DACH1: variants seen among roughly 807,000 people sequenced by gnomAD.
DACH1 encodes dachshund homolog 1.
In DACH1, 12 loss-of-function variants were observed where a neutral mutation model predicts 54.2. That is an observed-to-expected ratio of 0.22 (90% CI 0.14 to 0.36). DACH1 has a LOEUF of 0.36. DACH1 is among the 10% of genes least tolerant of loss of function. The probability of loss-of-function intolerance (pLI) is 1.00; values close to 1 mark genes in which losing one functional copy is unlikely to be tolerated. For synonymous variants in DACH1, 386 were observed against 366.2 expected, an observed-to-expected ratio of 1.05 and a Z score of -0.62; for missense variants, 805 against 929.8, an observed-to-expected ratio of 0.87 and a Z score of 1.75.
intron 6 of DACH1, among the ~76,000 whole-genome samples, chr13:71,511,544 G>T (rs1880774551): frequency 6.6e-6 from 1 of 151,606 alleles, no homozygotes; most frequent in South Asian, 2.1e-4. Flanking sequence ...ATTCTTACTT[G>T]TTTTCTAATT....
At chr13:71,665,626 T>C (rs750697683) in intron 2 of DACH1, among the ~76,000 whole-genome samples, 10 of 152,032 alleles carry the variant, frequency 6.6e-5, no homozygotes, top group Non-Finnish European at 1.0e-4. Flanking sequence ...GTTTCTGAAA[T>C]TAGGATTAAG....
intron 1 of DACH1, among the ~76,000 whole-genome samples, chr13:71,684,199 C>G (rs1233189788): frequency 1.3e-5 from 2 of 152,026 alleles, no homozygotes; most frequent in Non-Finnish European, 2.9e-5. Context: ...CAATTTTGTC[C>G]CACTCCAGAG....
intron 2 of DACH1, among the ~76,000 whole-genome samples, chr13:71,676,232 T>G (rs1360900004): frequency 6.6e-6 from 1 of 152,124 alleles, no homozygotes; most frequent in Non-Finnish European, 1.5e-5. Flanking sequence ...ATTTTTTTTT[T>G]GTTGAGATGG....
At chr13:71,820,597 C>G (rs146230902) in intron 1 of DACH1, among the ~76,000 whole-genome samples, 111 of 152,152 alleles carry the variant, frequency 7.3e-4, no homozygotes, top group Middle Eastern at 3.4e-3. Flanking sequence ...GTTAAAAAAA[C>G]AGAATTCGGT....
rs183817108 is a variant in DACH1, at chr13:71,535,821, T to A, written c.1570+21203A>T. ...ATAAGCTATCTTATATGATTTTTTT[T>A]AAAAATGTTTTGAACAATAGTTTAA... On this transcript the variant is annotated intron_variant, in intron 6 of 10. Transcript: ENST00000613252. 8.9e-3 allele frequency among the ~76,000 whole-genome samples: 1,348 copies of A among 152,112 alleles called. 18 individuals are homozygous for A. The highest frequency in any genetic ancestry group is 0.034 in the East Asian group (177 of 5,178).
intron 1 of DACH1, among the ~76,000 whole-genome samples, chr13:71,748,947 TCTTTCTC>T (rs1884792111): frequency 2.2e-5 from 1 of 45,646 alleles, no homozygotes; most frequent in Non-Finnish European, 9.3e-5. Flanking sequence ...TTTCTTTCTT[TCTTTCTC>T]TCTTTCTTTC....
chr13:71,442,369 A>T (rs1011243194), intron 10 of DACH1, among the ~76,000 whole-genome samples: 5 of 152,116 alleles, frequency 3.3e-5, no homozygotes, highest in African/African-American at 1.2e-4. Flanking sequence ...AAATGACAGG[A>T]TCTCATTCTT....
At chr13:71,637,907 T>C (rs74096982) in intron 2 of DACH1, among the ~76,000 whole-genome samples, 1,675 of 152,312 alleles carry the variant, frequency 0.011, 21 homozygotes, top group African/African-American at 0.034. Flanking sequence ...ATCTGTTTGT[T>C]TGCTCATTAA....
chr13:71,686,060 G>A (rs1287041113), intron 1 of DACH1, among the ~76,000 whole-genome samples: 1 of 152,016 alleles, frequency 6.6e-6, no homozygotes, highest in Non-Finnish European at 1.5e-5. Flanking sequence ...CTATAAGAGC[G>A]ACCCATTTCT....
intron 1 of DACH1, among the ~76,000 whole-genome samples, chr13:71,752,488 TTCTC>T (rs112518177): frequency 1.8e-3 from 269 of 147,918 alleles, no homozygotes; most frequent in African/African-American, 6.1e-3. Context: ...CTCTCTTCCT[TTCTC>T]TCTCTCTCTC....
rs150910452 is a variant in DACH1 at position 71,521,657 on chromosome 13, T to C, written c.1571-32509A>G. Among the ~76,000 whole-genome samples, 33 of 152,210 alleles carry C rather than the reference T, an allele frequency of 2.2e-4. No homozygotes were observed. The East Asian group carries it at 6.0e-3, about 28-fold the overall frequency. On this transcript the variant is annotated intron_variant, in intron 6 of 10. Coordinates refer to ENST00000613252, the MANE Select transcript of DACH1 (RefSeq NM_080759.6). ...ATAATCTATCATTCTCATCTCTTCA[T>C]GGGTGATTCCTCATGTCTTTTCTTC...
Position 71,449,975 on chromosome 13 carries a change from C to T in DACH1, c.2084-9283G>A, listed in dbSNP as rs910310235. Reference sequence around the variant, plus strand: ...TGGAGATATACCTAATGTTAAATGACGAGTTACTGGGTTCGGCACGCCAAC... The same window carrying T: ...TGGAGATATACCTAATGTTAAATGATGAGTTACTGGGTTCGGCACGCCAAC... On this transcript the variant is annotated intron_variant, in intron 10 of 10. Coordinates refer to ENST00000613252, the MANE Select transcript of DACH1 (RefSeq NM_080759.6). 1.8e-4 allele frequency among the ~76,000 whole-genome samples: 28 copies of T among 151,482 alleles called. 1 individual carries two copies. In the East Asian group the frequency reaches 2.2e-3, roughly 12 times the overall value.
At chr13:71,809,370 C>T (rs184275017) in intron 1 of DACH1, among the ~76,000 whole-genome samples, 12 of 152,136 alleles carry the variant, frequency 7.9e-5, no homozygotes, top group African/African-American at 2.9e-4. Flanking sequence ...AGAGTCTCAT[C>T]ATGTTGCCCA....
At chr13:71,542,093 C>A (rs1160687435) in intron 6 of DACH1, among the ~76,000 whole-genome samples, 1 of 151,544 alleles carries the variant, frequency 6.6e-6, no homozygotes, top group Non-Finnish European at 1.5e-5. Flanking sequence ...ATTAAAAATA[C>A]TAAAAAATTA....
At chr13:71,680,842 C>T (rs1435067069) in intron 2 of DACH1, among the ~76,000 whole-genome samples, 3 of 151,894 alleles carry the variant, frequency 2.0e-5, no homozygotes, top group Non-Finnish European at 4.4e-5. Context: ...TAAGATTAAT[C>T]CATGATTATA....
intron 3 of DACH1, among the ~76,000 whole-genome samples, chr13:71,575,336 G>A (rs1157008611): frequency 1.3e-5 from 2 of 151,902 alleles, no homozygotes; most frequent in Non-Finnish European, 2.9e-5. Flanking sequence ...CATATTTGAA[G>A]ATAATTAACT....
intron 6 of DACH1, among the ~76,000 whole-genome samples, chr13:71,492,901 A>G (rs1879104799): frequency 6.6e-6 from 1 of 152,166 alleles, no homozygotes; most frequent in South Asian, 2.1e-4. Flanking sequence ...ATCAGCAAGA[A>G]TAACATATGA....
At chr13:71,794,143 C>A (rs1002652929) in intron 1 of DACH1, among the ~76,000 whole-genome samples, 2 of 152,134 alleles carry the variant, frequency 1.3e-5, no homozygotes, top group African/African-American at 4.8e-5. Flanking sequence ...ATTTACCCAG[C>A]CTGTCCAAGC....
intron 1 of DACH1, among the ~76,000 whole-genome samples, chr13:71,705,571 T>G (rs1484868287): frequency 6.6e-6 from 1 of 152,230 alleles, no homozygotes; most frequent in Admixed American, 6.5e-5. Context: ...GGATTTGAAT[T>G]CTTCATTGAA....
Sources: allele counts gnomAD v4.1 joint callset (sites outside exome capture counted in the v4.1 genomes callset), GRCh38; gene constraint gnomAD v4.1.1; transcripts MANE v1.5; gene names NCBI Gene and HGNC (gene_info 2026-07-23, HGNC 2026-07-21).